GRID2: variants seen among roughly 807,000 people sequenced by gnomAD.
GRID2 encodes glutamate ionotropic receptor delta type subunit 2, also known as glutamate receptor ionotropic, delta-2.
In GRID2, 33 loss-of-function variants were observed where a neutral mutation model predicts 114.8. The ratio of observed to expected loss-of-function variants is 0.29; its 90% CI spans 0.22 to 0.38. The LOEUF (loss-of-function observed/expected upper bound fraction) is 0.38, where lower values mean the gene tolerates loss of function less well. Among genes scored for constraint, GRID2 ranks in the 10% least tolerant of loss-of-function variants. GRID2 has a pLI of 1.00. For missense variants in GRID2, 1,184 were observed against 1,257.7 expected, an observed-to-expected ratio of 0.94 and a Z score of 0.89; for synonymous variants, 505 against 449.9, an observed-to-expected ratio of 1.12 and a Z score of -1.55.
At chr4:92,827,677 G>A (rs1053410959) in intron 2 of GRID2, among the ~76,000 whole-genome samples, 4 of 151,986 alleles carry the variant, frequency 2.6e-5, no homozygotes, top group Non-Finnish European at 5.9e-5. Flanking sequence ...TGCATCTGAT[G>A]CCCTTAAGAG....
At chr4:92,754,990 A>G (rs1427288208) in intron 2 of GRID2, among the ~76,000 whole-genome samples, 3 of 152,172 alleles carry the variant, frequency 2.0e-5, no homozygotes, top group Non-Finnish European at 4.4e-5. Flanking sequence ...GATATTCTTT[A>G]CATGACCTGG....
chr4:93,465,036 G>GTGAATAAGACAGCATGATGGCTGTTT (rs1724134905), intron 11 of GRID2, among the ~76,000 whole-genome samples: 3 of 152,178 alleles, frequency 2.0e-5, no homozygotes, highest in Non-Finnish European at 4.4e-5. Flanking sequence ...AGTCACAGAG[G>GTGAATAAGACAGCATGATGGCTGTTT]TGAATAAGAC....
intron 3 of GRID2, among the ~76,000 whole-genome samples, chr4:93,103,838 T>C (rs1578995172): frequency 8.3e-6 from 1 of 120,216 alleles, no homozygotes; most frequent in Admixed American, 1.0e-4. Context: ...AGAAAATCCC[T>C]TGTTTTTTTT....
intron 5 of GRID2, among the ~76,000 whole-genome samples, chr4:93,210,348 C>T (rs1341609040): frequency 6.6e-6 from 1 of 152,072 alleles, no homozygotes; most frequent in Admixed American, 6.6e-5. Context: ...AGGAAAGCGT[C>T]CTTTCCCCAT....
At chr4:93,135,577 C>G (rs1311138733) in intron 4 of GRID2, among the ~76,000 whole-genome samples, 1 of 152,072 alleles carries the variant, frequency 6.6e-6, no homozygotes, top group East Asian at 1.9e-4. Flanking sequence ...GATCTGCTTT[C>G]TAGTTGAAAA....
rs535578701 is a variant in GRID2, at chr4:93,020,798, C to T, written c.245-64197C>T. ...CTGTAATCCCAGCACTTTGGAAGGC[C>T]GAGGCGGGCAGATCACCTGAGTTCA... On this transcript the variant is annotated intron_variant, in intron 2 of 15. Coordinates refer to ENST00000282020, the MANE Select transcript of GRID2 (RefSeq NM_001510.4). Among the ~76,000 whole-genome samples, 153 of 152,050 alleles carry T rather than the reference C, an allele frequency of 1.0e-3. 1 individual carries two copies. Among genetic ancestry groups the T allele is most frequent in the Admixed American group, 1.4e-3 (22 of 15,260 alleles).
rs147621462 is a variant in GRID2, at chr4:92,529,156, A to G, written c.89-60975A>G. 2.3e-3 allele frequency among the ~76,000 whole-genome samples: 353 copies of G among 152,218 alleles called. 1 individual carries two copies. The highest frequency in any genetic ancestry group is 7.0e-3 in the African/African-American group (292 of 41,570). Reference sequence around the variant, plus strand: ...GGAAAACAAACATAATGTGCTTTACAGGACTAATCATAATTCATCATTATC... The same window carrying G: ...GGAAAACAAACATAATGTGCTTTACGGGACTAATCATAATTCATCATTATC... On this transcript the variant is annotated intron_variant, in intron 1 of 15. Coordinates refer to ENST00000282020, the MANE Select transcript of GRID2 (RefSeq NM_001510.4).
intron 13 of GRID2, among the ~76,000 whole-genome samples, chr4:93,575,139 G>A (rs181245616): frequency 2.0e-5 from 3 of 152,198 alleles, no homozygotes; most frequent in Admixed American, 2.0e-4. Context: ...ATTGGCCAGA[G>A]CAAATCACAG....
chr4:92,751,948 T>G (rs1017292570), intron 2 of GRID2, among the ~76,000 whole-genome samples: 2 of 152,198 alleles, frequency 1.3e-5, no homozygotes, highest in African/African-American at 4.8e-5. Context: ...GATGGCCAGA[T>G]GAGCCAGTGT....
At chr4:92,354,139 A>C (rs1302683547) in intron 1 of GRID2, among the ~76,000 whole-genome samples, 4 of 152,020 alleles carry the variant, frequency 2.6e-5, no homozygotes, top group Admixed American at 6.6e-5. Flanking sequence ...CTGCCTCCAG[A>C]ACCAGGGACC....
intron 1 of GRID2, among the ~76,000 whole-genome samples, chr4:92,427,244 A>G (rs1732205131): frequency 6.6e-6 from 1 of 152,114 alleles, no homozygotes; most frequent in Non-Finnish European, 1.5e-5. Context: ...GTGGGTTCCA[A>G]TTATGGGACC....
At chr4:92,338,846 ATTTAG>A (rs1278382947) in intron 1 of GRID2, among the ~76,000 whole-genome samples, 4 of 152,188 alleles carry the variant, frequency 2.6e-5, no homozygotes, top group Non-Finnish European at 5.9e-5. Context: ...TAAATCTAAT[ATTTAG>A]TTATTCTCAA....
intron 13 of GRID2, among the ~76,000 whole-genome samples, chr4:93,543,458 C>T (rs1284822704): frequency 6.6e-6 from 1 of 151,872 alleles, no homozygotes; most frequent in East Asian, 1.9e-4. Context: ...TACACAAAGC[C>T]CTGAGGAAAC....
intron 2 of GRID2, among the ~76,000 whole-genome samples, chr4:92,966,427 G>A (rs1403443895): frequency 6.6e-6 from 1 of 151,960 alleles, no homozygotes. Flanking sequence ...TTATGCTCAT[G>A]ATTCACATTA....
chr4:93,611,864 T>C (rs986316759), intron 13 of GRID2, among the ~76,000 whole-genome samples: 22 of 151,786 alleles, frequency 1.4e-4, no homozygotes, highest in African/African-American at 5.1e-4. Context: ...AATTCCTGGG[T>C]ATCCTTGTTG....
intron 2 of GRID2, among the ~76,000 whole-genome samples, chr4:92,683,161 T>C (rs1733732794): frequency 3.3e-5 from 5 of 151,930 alleles, no homozygotes; most frequent in Admixed American, 3.3e-4. Flanking sequence ...TAGCTGGGCG[T>C]GGTGGCGGGC....
At chr4:92,493,558 C>T (rs1723248677) in intron 1 of GRID2, among the ~76,000 whole-genome samples, 1 of 152,158 alleles carries the variant, frequency 6.6e-6, no homozygotes, top group South Asian at 2.1e-4. Flanking sequence ...AGAGGTGTGT[C>T]TTGCATCCTT....
At chr4:93,475,012 C>T (rs964326946) in intron 11 of GRID2, among the ~76,000 whole-genome samples, 3 of 152,062 alleles carry the variant, frequency 2.0e-5, no homozygotes, top group Admixed American at 2.0e-4. Context: ...TGTTTTGCAA[C>T]TTCACCCTGA....
At position 92,794,909 on chromosome 4, in the gene GRID2, C is replaced by T. The variant is rs202110632; in HGVS notation, c.244+204623C>T. On this transcript the variant is annotated intron_variant, in intron 2 of 15. Coordinates refer to ENST00000282020, the MANE Select transcript of GRID2 (RefSeq NM_001510.4). ...ATATATATATATATATATATATACACACACACACACACACACATATCCTGT... is the reference window on the plus strand; with the variant it reads ...ATATATATATATATATATATATACATACACACACACACACACATATCCTGT... Among the ~76,000 whole-genome samples the T allele has an allele frequency of 1.1e-3, 118 of 111,632 alleles. 1 individual carries two copies. Among genetic ancestry groups the T allele is most frequent in the East Asian group, 6.4e-3 (24 of 3,776 alleles). The allele number at this position is 111,632 out of a possible 152,430, so 73.2% of individuals were successfully genotyped here. A position where few individuals can be genotyped will look rare whatever the true frequency, so the allele number is the denominator to read the frequency against.
Sources: gnomAD v4.1 joint callset for allele counts (sites outside exome capture counted in the v4.1 genomes callset) on GRCh38, gnomAD v4.1.1 for gene constraint, MANE v1.5 for transcripts, NCBI Gene and HGNC (gene_info 2026-07-23, HGNC 2026-07-21) for gene names.